The following PLCB1 variants were observed in gnomAD, a reference collection of about 807,000 sequenced individuals.
The protein encoded by PLCB1 is 1-phosphatidylinositol 4,5-bisphosphate phosphodiesterase beta-1.
In PLCB1, 46 loss-of-function variants were observed where a neutral mutation model predicts 161.8. That is an observed-to-expected ratio of 0.28 (90% CI 0.22 to 0.36). The LOEUF is 0.36. Ranked by LOEUF, PLCB1 falls within the 10% of genes least tolerant of loss-of-function variation. The probability of loss-of-function intolerance (pLI) is 1.00; values close to 1 mark genes in which losing one functional copy is unlikely to be tolerated. For missense variants in PLCB1, 1,016 were observed against 1,472.5 expected, an observed-to-expected ratio of 0.69 and a Z score of 5.07; for synonymous variants, 517 against 503.7, an observed-to-expected ratio of 1.03 and a Z score of -0.35.
chr20:8,188,419 T>C (rs1446191609), intron 2 of PLCB1, among the ~76,000 whole-genome samples: 1 of 145,366 alleles, frequency 6.9e-6, no homozygotes, highest in Non-Finnish European at 1.5e-5. Flanking sequence ...TTGCTTTCCA[T>C]AAGAAGAAAA....
At chr20:8,787,882 G>A (rs1462632647) in intron 27 of PLCB1, among the ~76,000 whole-genome samples, 11 of 152,188 alleles carry the variant, frequency 7.2e-5, no homozygotes, top group Admixed American at 7.2e-4. Context: ...AATTACCCAC[G>A]CAAGAACATA....
intron 12 of PLCB1, among the ~76,000 whole-genome samples, chr20:8,714,321 T>C (rs1979183031): frequency 6.6e-6 from 1 of 152,012 alleles, no homozygotes; most frequent in Non-Finnish European, 1.5e-5. Context: ...GAAAGGGAAA[T>C]GGAGGGTTTG....
At chr20:8,503,835 T>C (rs978428129) in intron 3 of PLCB1, among the ~76,000 whole-genome samples, 3 of 152,126 alleles carry the variant, frequency 2.0e-5, no homozygotes, top group African/African-American at 7.2e-5. Context: ...AAATAAAAAT[T>C]TAGTATAAAA....
intron 3 of PLCB1, among the ~76,000 whole-genome samples, chr20:8,560,786 T>C (rs2123021880): frequency 6.6e-6 from 1 of 152,136 alleles, no homozygotes; most frequent in East Asian, 1.9e-4. Flanking sequence ...TCTTTGACCA[T>C]ATGTGTGTAT....
rs150972608 is a variant in PLCB1 at position 8,808,976 on chromosome 20, T to C, written c.3423+18715T>C. Among the ~76,000 whole-genome samples, 289 of 152,270 alleles carry C rather than the reference T, an allele frequency of 1.9e-3. 2 individuals are homozygous for C. Among genetic ancestry groups the C allele is most frequent in the African/African-American group, 6.8e-3 (282 of 41,556 alleles). On this transcript the variant is annotated intron_variant, in intron 31 of 31. Coordinates refer to ENST00000338037, the MANE Select transcript of PLCB1 (RefSeq NM_015192.4). ...CTCATAACTCATCATTTACCAATTT[T>C]TTCCTAGAGCTTTGTTGAAGCACTT... is the stretch of plus-strand genomic sequence containing the variant.
intron 20 of PLCB1, among the ~76,000 whole-genome samples, 163 bp downstream of exon 20, chr20:8,737,355 G>A (rs2123511057): frequency 6.6e-6 from 1 of 152,250 alleles, no homozygotes; most frequent in Non-Finnish European, 1.5e-5. Flanking sequence ...CAAGAATTCT[G>A]TTAATCACTG....
intron 9 of PLCB1, among the ~76,000 whole-genome samples, chr20:8,663,710 G>A (rs1292910801): frequency 6.6e-6 from 1 of 152,016 alleles, no homozygotes; most frequent in African/African-American, 2.4e-5. Flanking sequence ...CTGGGAGTGT[G>A]GTTTATTTTT....
intron 1 of PLCB1, among the ~76,000 whole-genome samples, chr20:8,149,471 T>C (rs1307451974): frequency 6.6e-6 from 1 of 152,152 alleles, no homozygotes. Flanking sequence ...TACAAGTTCT[T>C]TTAATAAGCT....
At chr20:8,702,936 T>C (rs1316929406) in intron 11 of PLCB1, among the ~76,000 whole-genome samples, 1 of 152,224 alleles carries the variant, frequency 6.6e-6, no homozygotes, top group East Asian at 1.9e-4. Context: ...TTTAGTAATT[T>C]TTTTTGCTTT....
At chr20:8,445,618 A>C (rs1980788543) in intron 3 of PLCB1, among the ~76,000 whole-genome samples, 1 of 152,098 alleles carries the variant, frequency 6.6e-6, no homozygotes, top group Admixed American at 6.6e-5. Context: ...ATGGCATTGA[A>C]TCTATAAATT....
At chr20:8,179,984 A>G (rs961734836) in intron 2 of PLCB1, among the ~76,000 whole-genome samples, 10 of 146,064 alleles carry the variant, frequency 6.8e-5, no homozygotes, top group African/African-American at 1.0e-4. Flanking sequence ...TCAGCCTCCC[A>G]AGTAGCTGGG....
intron 4 of PLCB1, among the ~76,000 whole-genome samples, chr20:8,630,115 C>A (rs1261965588): frequency 1.4e-5 from 2 of 143,186 alleles, no homozygotes; most frequent in South Asian, 4.5e-4. Flanking sequence ...CTCACTCTGT[C>A]GCCAGGTTGG....
Position 8,610,614 on chromosome 20 carries a change from T to G in PLCB1, c.247-17680T>G, listed in dbSNP as rs577701160. On this transcript the variant is annotated intron_variant, in intron 3 of 31. Coordinates refer to ENST00000338037, the MANE Select transcript of PLCB1 (RefSeq NM_015192.4). ...TCCCACCAGCAGTTTATTTGATAAA[T>G]TCCTTTCAGATAGAATTCATAAATA... is the stretch of plus-strand genomic sequence containing the variant. Among the ~76,000 whole-genome samples the G allele has an allele frequency of 7.2e-5, 11 of 152,296 alleles. No individual in the cohort carries two copies. In the South Asian group the frequency reaches 1.9e-3, roughly 26 times the overall value.
chr20:8,520,038 C>T (rs1018151017), intron 3 of PLCB1, among the ~76,000 whole-genome samples: 9 of 152,112 alleles, frequency 5.9e-5, no homozygotes, highest in Non-Finnish European at 1.2e-4. Context: ...ATTGCATTTT[C>T]TCAAACCTGG....
chr20:8,658,811 T>A (rs1989542058), intron 9 of PLCB1, 107 bp downstream of exon 9: 3 of 894,998 alleles, frequency 3.4e-6, no homozygotes, highest in Non-Finnish European at 5.1e-6. Context: ...TTCCTCTGTT[T>A]ACAAGGCATT....
At chr20:8,174,319 G>A (rs999177354) in intron 2 of PLCB1, among the ~76,000 whole-genome samples, 1 of 152,188 alleles carries the variant, frequency 6.6e-6, no homozygotes, top group Non-Finnish European at 1.5e-5. Context: ...ATGGAGACCA[G>A]AAGGCAGTGC....
At chr20:8,570,734 C>T (rs1986480850) in intron 3 of PLCB1, among the ~76,000 whole-genome samples, 1 of 152,140 alleles carries the variant, frequency 6.6e-6, no homozygotes, top group Non-Finnish European at 1.5e-5. Flanking sequence ...AGGCAATAAG[C>T]AAATGAGTTC....
intron 2 of PLCB1, among the ~76,000 whole-genome samples, chr20:8,164,531 A>G (rs2051656981): frequency 6.6e-6 from 1 of 152,182 alleles, no homozygotes; most frequent in African/African-American, 2.4e-5. Flanking sequence ...CATTTCCATC[A>G]TTGCAGAATA....
At chr20:8,395,349 G>GT in intron 3 of PLCB1, among the ~76,000 whole-genome samples, 1 of 151,822 alleles carries the variant, frequency 6.6e-6, no homozygotes, top group African/African-American at 2.4e-5. Context: ...TTCTTTAGAA[G>GT]GCATTGTCTA....
Sources: gnomAD v4.1 joint callset for allele counts (sites outside exome capture counted in the v4.1 genomes callset) on GRCh38, gnomAD v4.1.1 for gene constraint, MANE v1.5 for transcripts, NCBI Gene and HGNC (gene_info 2026-07-23, HGNC 2026-07-21) for gene names.